The following PPARD variants were observed in gnomAD, a reference collection of about 807,000 sequenced individuals.
PPARD encodes peroxisome proliferator-activated receptor delta.
PPARD carries 6 observed loss-of-function variants against 39.5 expected under a neutral mutation model. The observed-to-expected ratio is 0.15, with a 90% CI of 0.08 to 0.30. PPARD has a LOEUF of 0.30. Ranked by LOEUF, PPARD falls within the 10% of genes least tolerant of loss-of-function variation. The pLI, the probability that PPARD is intolerant of heterozygous loss-of-function variation, is 1.00. For missense variants in PPARD, 397 were observed against 596.8 expected, an observed-to-expected ratio of 0.67 and a Z score of 3.49; for synonymous variants, 210 against 231.3, an observed-to-expected ratio of 0.91 and a Z score of 0.83.
intron 2 of PPARD, chr6:35,348,462 G>T: frequency 3.0e-6 from 3 of 985,386 alleles, no homozygotes; most frequent in Non-Finnish European, 3.6e-6. Flanking sequence ...ACTCTCAGAA[G>T]TGGAGCTCCA....
At chr6:35,423,061 A>AG in intron 5 of PPARD, among the ~76,000 whole-genome samples, 1 of 128,892 alleles carries the variant, frequency 7.8e-6, no homozygotes, top group Non-Finnish European at 1.8e-5. Context: ...CTACAAAAAA[A>AG]AAAAAAAAAA....
At chr6:35,417,648 T>C (rs1027860569) in intron 3 of PPARD, among the ~76,000 whole-genome samples, 2 of 151,214 alleles carry the variant, frequency 1.3e-5, no homozygotes, top group African/African-American at 4.9e-5. Flanking sequence ...TCTCCTTCCT[T>C]AGCCTCCCGA....
intron 2 of PPARD, among the ~76,000 whole-genome samples, chr6:35,368,732 T>A (rs1762331874): frequency 1.3e-5 from 2 of 152,220 alleles, no homozygotes; most frequent in Non-Finnish European, 2.9e-5. Context: ...CTCCTGAAAG[T>A]GTCCAGGAAG....
intron 2 of PPARD, among the ~76,000 whole-genome samples, chr6:35,360,867 GA>G (rs1761890587): frequency 6.6e-6 from 1 of 152,202 alleles, no homozygotes; most frequent in Non-Finnish European, 1.5e-5. Context: ...GATGGCGCTA[GA>G]AATCAGAAGA....
intron 2 of PPARD, among the ~76,000 whole-genome samples, chr6:35,349,406 T>C (rs970098534): frequency 3.9e-5 from 6 of 152,160 alleles, no homozygotes; most frequent in South Asian, 2.1e-4. Context: ...CTGGGCCACA[T>C]TGGAAGAAGA....
intron 2 of PPARD, among the ~76,000 whole-genome samples, chr6:35,393,868 A>G (rs1168821764): frequency 1.3e-5 from 2 of 152,170 alleles, no homozygotes; most frequent in Admixed American, 6.5e-5. Flanking sequence ...GCACTTGGAA[A>G]GGGACAGGAG....
chr6:35,404,490 G>T (rs184487474), intron 2 of PPARD, among the ~76,000 whole-genome samples: 2 of 152,164 alleles, frequency 1.3e-5, no homozygotes, highest in Non-Finnish European at 2.9e-5. Context: ...GAGGATGGAG[G>T]CCCCTGGCAC....
intron 3 of PPARD, among the ~76,000 whole-genome samples, chr6:35,413,886 G>C (rs1765585132): frequency 6.6e-6 from 1 of 152,046 alleles, no homozygotes; most frequent in South Asian, 2.1e-4. Context: ...GTTCCACTGT[G>C]TTGGCCAGGC....
chr6:35,354,159 G>T (rs1372374771), intron 2 of PPARD, among the ~76,000 whole-genome samples: 1 of 148,622 alleles, frequency 6.7e-6, no homozygotes, highest in Non-Finnish European at 1.5e-5. Context: ...ATGAACCCGG[G>T]AGGCGGAGCT....
At chr6:35,380,476 GTTTTTTTTTTTTTTT>G (rs71002557) in intron 2 of PPARD, among the ~76,000 whole-genome samples, 8 of 67,106 alleles carry the variant, frequency 1.2e-4, no homozygotes, top group Non-Finnish European at 2.0e-4. Flanking sequence ...TTTTTTGTTT[GTTTTTTTTTTTTTTT>G]TTTTTTTTTT....
At chr6:35,388,831 C>G (rs574535527) in intron 2 of PPARD, among the ~76,000 whole-genome samples, 1 of 152,112 alleles carries the variant, frequency 6.6e-6, no homozygotes, top group Non-Finnish European at 1.5e-5. Flanking sequence ...TCCATGGACA[C>G]GCTTCCACCA....
intron 2 of PPARD, among the ~76,000 whole-genome samples, chr6:35,397,122 T>C (rs538548374): frequency 1.1e-4 from 17 of 152,196 alleles, no homozygotes; most frequent in African/African-American, 2.6e-4. Flanking sequence ...ACTGGTCTTA[T>C]CTTTCGCCCT....
At chr6:35,392,152 G>C (rs1232654122) in intron 2 of PPARD, among the ~76,000 whole-genome samples, 5 of 151,992 alleles carry the variant, frequency 3.3e-5, no homozygotes, top group African/African-American at 9.7e-5. Context: ...GCCAGCACCA[G>C]GTATATGCAG....
intron 2 of PPARD, among the ~76,000 whole-genome samples, chr6:35,380,321 C>T (rs1763059150): frequency 6.6e-6 from 1 of 152,154 alleles, no homozygotes; most frequent in South Asian, 2.1e-4. Context: ...GCCGTGGTTC[C>T]ACATCTCACA....
intron 2 of PPARD, among the ~76,000 whole-genome samples, chr6:35,364,960 C>G (rs561680370): frequency 1.3e-5 from 2 of 151,728 alleles, no homozygotes; most frequent in East Asian, 3.9e-4. Context: ...CCACCCGCCT[C>G]GGCCTCCCAA....
intron 4 of PPARD, 136 bp downstream of exon 4, chr6:35,420,417 A>C (rs916314596): frequency 8.1e-7 from 1 of 1,237,668 alleles, no homozygotes; most frequent in East Asian, 2.9e-5. Flanking sequence ...GGAGGCAGCC[A>C]GGCCCTTGTG....
intron 2 of PPARD, among the ~76,000 whole-genome samples, chr6:35,369,569 T>C (rs550097520): frequency 2.0e-5 from 3 of 152,360 alleles, no homozygotes; most frequent in East Asian, 3.9e-4. Context: ...CAATATGTGA[T>C]CTTTTGTGAT....
rs111447300 is a variant in PPARD, at chr6:35,422,779, C to T, written c.424+821C>T. ...GGAACTGACTGAATCCCTCTCCTTA[C>T]GCTAACTCCAGGAGAAGTCGAATTC... is the stretch of plus-strand genomic sequence containing the variant. On this transcript the variant is annotated intron_variant, in intron 5 of 7. Coordinates refer to ENST00000360694, the MANE Select transcript of PPARD (RefSeq NM_006238.5). Among the ~76,000 whole-genome samples, 287 of 152,274 alleles carry T rather than the reference C, an allele frequency of 1.9e-3. 1 individual carries two copies. The highest frequency in any genetic ancestry group is 6.8e-3 in the Middle Eastern group (2 of 294).
chr6:35,364,431 CTTT>C (rs529866520), intron 2 of PPARD, among the ~76,000 whole-genome samples: 3 of 127,168 alleles, frequency 2.4e-5, no homozygotes, highest in Non-Finnish European at 3.3e-5. Flanking sequence ...CCATGTTTAA[CTTT>C]TTTTTTTTTT....
Sources: gnomAD v4.1 joint callset for allele counts (sites outside exome capture counted in the v4.1 genomes callset) on GRCh38, gnomAD v4.1.1 for gene constraint, MANE v1.5 for transcripts, NCBI Gene and HGNC (gene_info 2026-07-23, HGNC 2026-07-21) for gene names.